Variants in RANBP2 observed in about 807,000 individuals in gnomAD.
RANBP2 encodes RAN binding protein 2, also known as E3 SUMO-protein ligase RanBP2.
In RANBP2, 57 loss-of-function variants were observed where a neutral mutation model predicts 303.6. The ratio of observed to expected loss-of-function variants is 0.19; its 90% confidence interval spans 0.15 to 0.23. The LOEUF (loss-of-function observed/expected upper bound fraction) is 0.23. Among genes scored for constraint, RANBP2 ranks in the 10% least tolerant of loss-of-function variants. The pLI is 1.00. For missense variants in RANBP2, 3,138 were observed against 3,780.8 expected (o/e 0.83, Z 4.46); for synonymous variants, 1,167 against 1,301.5 (o/e 0.90, Z 2.23).
chr2:109,405,006 ACC>A, the RANBP2 span, among the ~76,000 whole-genome samples: 1 of 136,424 alleles, frequency 7.3e-6, no homozygotes, highest in South Asian at 2.7e-4. Context: ...CTACACAAAT[ACC>A]CCCCACCTTC....
the RANBP2 span, among the ~76,000 whole-genome samples, chr2:109,392,121 A>G: frequency 1.6e-4 from 24 of 152,218 alleles, no homozygotes; most frequent in African/African-American, 2.4e-5. Context: ...TAGCCCAAAA[A>G]GGCCTGATTT....
the RANBP2 span, among the ~76,000 whole-genome samples, chr2:109,108,447 G>C: frequency 3.9e-5 from 6 of 152,164 alleles, no homozygotes; most frequent in African/African-American, 1.4e-4. Context: ...ATCATTCAGG[G>C]CTCTATTGGA....
chr2:109,711,277 A>T, the RANBP2 span, among the ~76,000 whole-genome samples: 1 of 151,528 alleles, frequency 6.6e-6, no homozygotes, highest in South Asian at 2.1e-4. Context: ...TTCTCCTCAC[A>T]CCCTATAAAC....
the RANBP2 span, among the ~76,000 whole-genome samples, chr2:109,495,457 A>G: frequency 8.0e-6 from 1 of 125,658 alleles, no homozygotes; most frequent in African/African-American, 3.1e-5. Flanking sequence ...CGGCCATTTC[A>G]TCCTGAATAT....
At chr2:109,001,099 C>G in the RANBP2 span, among the ~76,000 whole-genome samples, 1 of 152,162 alleles carries the variant, frequency 6.6e-6, no homozygotes, top group Non-Finnish European at 1.5e-5. Flanking sequence ...CAAGGGTGCT[C>G]AGAGTTTCAT....
the RANBP2 span, among the ~76,000 whole-genome samples, chr2:109,508,413 TC>T: frequency 6.6e-6 from 1 of 151,848 alleles, no homozygotes; most frequent in Non-Finnish European, 1.5e-5. Context: ...AGACGCACAC[TC>T]CCCAGGGCCG....
At chr2:108,885,289 C>T in the RANBP2 span, 1 of 152,236 alleles carries the variant, frequency 6.6e-6, no homozygotes, top group South Asian at 2.1e-4. Context: ...GTTTTCCTCT[C>T]ATATAACTTT....
chr2:108,902,404 C>A, the RANBP2 span, among the ~76,000 whole-genome samples: 1 of 151,928 alleles, frequency 6.6e-6, no homozygotes, highest in African/African-American at 2.4e-5. Flanking sequence ...AACAAAAAAA[C>A]CTCCCCAAAA....
chr2:108,816,537 AG>A, the RANBP2 span, among the ~76,000 whole-genome samples: 1 of 66,916 alleles, frequency 1.5e-5, no homozygotes, highest in Non-Finnish European at 3.2e-5. Context: ...GAGGTGATGC[AG>A]GGTATCACAT....
the RANBP2 span, among the ~76,000 whole-genome samples, chr2:109,601,830 T>TA: frequency 6.6e-6 from 1 of 152,064 alleles, no homozygotes; most frequent in African/African-American, 2.4e-5. Flanking sequence ...TCTAATACTC[T>TA]ACAAGTTACT....
the RANBP2 span, among the ~76,000 whole-genome samples, chr2:109,641,937 C>G: frequency 2.0e-5 from 3 of 152,182 alleles, no homozygotes; most frequent in African/African-American, 7.2e-5. Flanking sequence ...TCCCCAGTAG[C>G]TGGGATTACA....
At chr2:108,988,423 C>A in the RANBP2 span, among the ~76,000 whole-genome samples, 10 of 152,134 alleles carry the variant, frequency 6.6e-5, no homozygotes, top group Non-Finnish European at 1.3e-4. Context: ...AATAGGTACC[C>A]ACTCCCCTCC....
chr2:109,501,295 A>T, the RANBP2 span, among the ~76,000 whole-genome samples: 21 of 152,362 alleles, frequency 1.4e-4, no homozygotes, highest in African/African-American at 4.3e-4. Flanking sequence ...AAAGGACAGC[A>T]GGGGGAAATG....
the RANBP2 span, among the ~76,000 whole-genome samples, chr2:109,058,250 C>T: frequency 6.6e-6 from 1 of 152,226 alleles, no homozygotes; most frequent in Non-Finnish European, 1.5e-5. Flanking sequence ...CAATTATCCT[C>T]AGGTCAGTCA....
chr2:108,833,829 G>A, the RANBP2 span, among the ~76,000 whole-genome samples: 19 of 145,626 alleles, frequency 1.3e-4, no homozygotes, highest in Admixed American at 5.6e-4. Context: ...CAAGGTTCAC[G>A]CCATTCTCCT....
the RANBP2 span, among the ~76,000 whole-genome samples, chr2:108,893,959 C>CATT: frequency 2.0e-5 from 3 of 152,058 alleles, no homozygotes; most frequent in Non-Finnish European, 2.9e-5. Context: ...CAATACATAT[C>CATT]ATTTTCTTTC....
the RANBP2 span, among the ~76,000 whole-genome samples, chr2:108,824,596 C>CT: frequency 6.6e-6 from 1 of 151,894 alleles, no homozygotes; most frequent in Non-Finnish European, 1.5e-5. Context: ...TTACATTTAA[C>CT]TTTTTTTTAA....
At chr2:109,491,013 G>C in the RANBP2 span, 3 of 1,306,726 alleles carry the variant, frequency 2.3e-6, no homozygotes, top group South Asian at 5.6e-5. Context: ...TCGGGGAGCA[G>C]GGACACTGTG....
chr2:109,471,706 C>G, the RANBP2 span, among the ~76,000 whole-genome samples: 1 of 152,234 alleles, frequency 6.6e-6, no homozygotes, highest in African/African-American at 2.4e-5. Flanking sequence ...TTCTTTTCCA[C>G]TCACCCCCTT....
Sources: allele counts gnomAD v4.1 joint callset (sites outside exome capture counted in the v4.1 genomes callset), GRCh38; gene constraint gnomAD v4.1.1; transcripts MANE v1.5; gene names NCBI Gene and HGNC (gene_info 2026-07-23, HGNC 2026-07-21).